The following HYCC1 variants were observed in gnomAD, a reference collection of about 807,000 sequenced individuals.
The protein encoded by HYCC1 is hyccin.
chr7:22,918,589 C>G, the HYCC1 span, among the ~76,000 whole-genome samples: 1 of 152,138 alleles, frequency 6.6e-6, no homozygotes, highest in Non-Finnish European at 1.5e-5. Context: ...ACGTATACAT[C>G]CAGATGGCCT....
chr7:22,976,230 T>C, the HYCC1 span: 1 of 1,611,554 alleles, frequency 6.2e-7, no homozygotes, highest in Non-Finnish European at 8.5e-7. Flanking sequence ...TTTGACACAG[T>C]GACTGAAGAG....
At chr7:22,979,434 A>C in the HYCC1 span, among the ~76,000 whole-genome samples, 2 of 152,318 alleles carry the variant, frequency 1.3e-5, no homozygotes, top group South Asian at 4.1e-4. Flanking sequence ...GTGGCCATGG[A>C]AAGATAACAG....
chr7:22,902,439 A>G, the HYCC1 span, among the ~76,000 whole-genome samples: 1 of 152,062 alleles, frequency 6.6e-6, no homozygotes, highest in Admixed American at 6.5e-5. Flanking sequence ...AAAACACACA[A>G]TAGAGAAAAT....
the HYCC1 span, among the ~76,000 whole-genome samples, chr7:23,002,010 C>T: frequency 1.3e-5 from 2 of 151,080 alleles, no homozygotes; most frequent in South Asian, 2.1e-4. Context: ...AAATGTTTTG[C>T]TTTTGTATAT....
the HYCC1 span, among the ~76,000 whole-genome samples, chr7:22,922,196 A>C: frequency 3.3e-5 from 5 of 152,098 alleles, no homozygotes; most frequent in Non-Finnish European, 7.4e-5. Flanking sequence ...AATAATATTT[A>C]TTACTAATAA....
the HYCC1 span, among the ~76,000 whole-genome samples, chr7:22,994,113 TGA>T: frequency 2.0e-5 from 3 of 152,174 alleles, no homozygotes; most frequent in Non-Finnish European, 4.4e-5. Context: ...CTCAAGTAGC[TGA>T]GACTACAGGA....
At chr7:22,906,702 G>T in the HYCC1 span, among the ~76,000 whole-genome samples, 8 of 151,750 alleles carry the variant, frequency 5.3e-5, no homozygotes, top group African/African-American at 1.9e-4. Flanking sequence ...ACTAATAAAA[G>T]ACAATTTTAA....
chr7:22,906,071 G>A, the HYCC1 span, among the ~76,000 whole-genome samples: 2 of 152,124 alleles, frequency 1.3e-5, no homozygotes, highest in African/African-American at 4.8e-5. Flanking sequence ...TGGTGATAAT[G>A]ATAATGATGA....
chr7:22,975,026 C>G, the HYCC1 span, among the ~76,000 whole-genome samples: 2 of 152,136 alleles, frequency 1.3e-5, no homozygotes, highest in African/African-American at 4.8e-5. Context: ...ACATCTTTTC[C>G]TTTATAAATT....
chr7:22,990,366 T>G, the HYCC1 span, among the ~76,000 whole-genome samples: 1 of 152,206 alleles, frequency 6.6e-6, no homozygotes, highest in Non-Finnish European at 1.5e-5. Flanking sequence ...TAAGCCTGAC[T>G]TTGTCAGACT....
chr7:22,950,624 G>C, the HYCC1 span, among the ~76,000 whole-genome samples: 3 of 151,926 alleles, frequency 2.0e-5, no homozygotes, highest in African/African-American at 7.2e-5. Flanking sequence ...GAAAAGCAAA[G>C]CCTCTTTGTT....
the HYCC1 span, among the ~76,000 whole-genome samples, chr7:22,970,880 C>T: frequency 6.6e-6 from 1 of 152,178 alleles, no homozygotes; most frequent in Non-Finnish European, 1.5e-5. Flanking sequence ...CTCTGATTTC[C>T]CTTCACAAAT....
At chr7:22,978,009 T>G in the HYCC1 span, among the ~76,000 whole-genome samples, 1 of 152,186 alleles carries the variant, frequency 6.6e-6, no homozygotes, top group Non-Finnish European at 1.5e-5. Context: ...AATGCAACAC[T>G]GATATTTTCA....
At chr7:22,915,775 C>A in the HYCC1 span, among the ~76,000 whole-genome samples, 1 of 152,164 alleles carries the variant, frequency 6.6e-6, no homozygotes, top group Non-Finnish European at 1.5e-5. Flanking sequence ...GGCTTCTAAA[C>A]CTCTTAAAAC....
chr7:22,910,441 C>T, the HYCC1 span, among the ~76,000 whole-genome samples: 1 of 152,226 alleles, frequency 6.6e-6, no homozygotes, highest in African/African-American at 2.4e-5. Context: ...CATGCTTGTA[C>T]AGCCTGCAGA....
At chr7:22,946,617 C>G in the HYCC1 span, among the ~76,000 whole-genome samples, 1 of 151,784 alleles carries the variant, frequency 6.6e-6, no homozygotes, top group Admixed American at 6.6e-5. Context: ...ATTATTTTAT[C>G]AAATTAAAAA....
the HYCC1 span, among the ~76,000 whole-genome samples, chr7:22,925,982 T>C: frequency 6.6e-6 from 1 of 152,178 alleles, no homozygotes; most frequent in Non-Finnish European, 1.5e-5. Flanking sequence ...ACAGCTGATC[T>C]CTCGGCAGAA....
the HYCC1 span, chr7:22,944,922 C>CT: frequency 6.6e-6 from 1 of 152,314 alleles, no homozygotes; most frequent in Non-Finnish European, 1.5e-5. Context: ...AGAAATGCCT[C>CT]TAGCCATCCC....
the HYCC1 span, among the ~76,000 whole-genome samples, chr7:22,902,113 A>G: frequency 6.6e-6 from 1 of 152,154 alleles, no homozygotes; most frequent in Non-Finnish European, 1.5e-5. Context: ...TACAAATCGT[A>G]TCAATAAAAG....
Sources: gnomAD v4.1 joint callset for allele counts (sites outside exome capture counted in the v4.1 genomes callset) on GRCh38, gnomAD v4.1.1 for gene constraint, MANE v1.5 for transcripts, NCBI Gene and HGNC (gene_info 2026-07-23, HGNC 2026-07-21) for gene names.